PDE10A: variants seen among roughly 807,000 people sequenced by gnomAD.
PDE10A encodes the protein phosphodiesterase 10A.
In PDE10A, 39 loss-of-function variants were observed where a neutral mutation model predicts 97.7. The ratio of observed to expected loss-of-function variants is 0.40; its 90% CI spans 0.31 to 0.52. PDE10A has a LOEUF of 0.52. Ranked by LOEUF, PDE10A falls within the 20% of genes least tolerant of loss-of-function variation. PDE10A has a pLI of 0.56. For synonymous variants in PDE10A, 371 were observed against 376.8 expected, an observed-to-expected ratio of 0.98 and a Z score of 0.18; for missense variants, 731 against 1,047.8, an observed-to-expected ratio of 0.70 and a Z score of 4.17.
intron 1 of PDE10A, among the ~76,000 whole-genome samples, chr6:165,548,083 A>G (rs964614544): frequency 3.9e-5 from 6 of 151,940 alleles, no homozygotes; most frequent in East Asian, 1.9e-4. Flanking sequence ...TTCATAGCCA[A>G]TATTTTCCAT....
Position 165,711,765 on chromosome 6 carries a change from G to A in PDE10A, c.-614-168197C>T, listed in dbSNP as rs1791901213. ...CTGTGCTAATTCACTCGTCAGACCA[G>A]CGAACCTCAAATGCATTTTTGTGGC... On this transcript the variant is annotated intron_variant, in intron 1 of 19. Transcript: ENST00000366882. This position sits in a 1 kb window ranked among gnomAD's most constrained non-coding sequence, Gnocchi z 4.5. Among the ~76,000 whole-genome samples, 2 of 152,196 alleles carry A rather than the reference G, an allele frequency of 1.3e-5. No individual in the cohort carries two copies. The highest frequency in any genetic ancestry group is 4.1e-4 in the South Asian group (2 of 4,826).
chr6:165,455,188 G>A (rs1422431998), intron 3 of PDE10A, among the ~76,000 whole-genome samples: 4 of 152,052 alleles, frequency 2.6e-5, no homozygotes, highest in African/African-American at 9.7e-5. Context: ...CTGTTGCCCA[G>A]GCTGGAATGC....
At chr6:165,636,278 T>A (rs757733768) in intron 1 of PDE10A, among the ~76,000 whole-genome samples, 3 of 152,124 alleles carry the variant, frequency 2.0e-5, no homozygotes, top group Non-Finnish European at 4.4e-5. Flanking sequence ...TCACTGGCTA[T>A]GTGAAAAGGA....
At chr6:165,538,838 C>G (rs979999067) in intron 2 of PDE10A, among the ~76,000 whole-genome samples, 1 of 152,078 alleles carries the variant, frequency 6.6e-6, no homozygotes, top group Non-Finnish European at 1.5e-5. Context: ...ATACTTTGTA[C>G]AAATACAGAC....
In PDE10A at chr6:165,799,077, C is replaced by G. The variant is rs564758566; in HGVS notation, c.-615+188452G>C. 2.0e-5 allele frequency among the ~76,000 whole-genome samples: 3 copies of G among 152,300 alleles called. No homozygotes were observed. The East Asian group carries it at 5.8e-4, about 29-fold the overall frequency. ...TATTAATGATAAAAATTGAAGACAA[C>G]AGGCTCCATGGAAACATCAGCCACT... On this transcript the variant is annotated intron_variant, in intron 1 of 19. Transcript: ENST00000366882.
At chr6:165,572,835 TCAAA>T (rs756159828) in intron 1 of PDE10A, among the ~76,000 whole-genome samples, 17 of 152,168 alleles carry the variant, frequency 1.1e-4, no homozygotes, top group Non-Finnish European at 1.8e-4. Context: ...AGACCCTGTC[TCAAA>T]CAAACAAACC....
At chr6:165,404,208 G>C (rs1350565375) in intron 13 of PDE10A, among the ~76,000 whole-genome samples, 1 of 152,032 alleles carries the variant, frequency 6.6e-6, no homozygotes, top group African/African-American at 2.4e-5. Flanking sequence ...TCAATAAAAA[G>C]GAAATGCTGT....
At chr6:165,664,385 T>C (rs1790442464), upstream of PDE10A, among the ~76,000 whole-genome samples, 1 of 152,170 alleles carries the variant, frequency 6.6e-6, no homozygotes, top group South Asian at 2.1e-4. Context: ...CACTTTTGTA[T>C]TTGCACCAAG....
At chr6:165,940,443 G>A (rs182141006) in intron 1 of PDE10A, 42 of 152,394 alleles carry the variant, frequency 2.8e-4, no homozygotes, top group Admixed American at 2.5e-3. Context: ...ATATTAGAAG[G>A]TGGAACCGCC....
At chr6:165,568,390 C>G (rs1002987947) in intron 1 of PDE10A, among the ~76,000 whole-genome samples, 2 of 152,108 alleles carry the variant, frequency 1.3e-5, no homozygotes, top group African/African-American at 4.8e-5. Context: ...CAGTCAACCA[C>G]AGTCAAAAAT....
chr6:165,475,669 T>C (rs899036342), intron 3 of PDE10A, among the ~76,000 whole-genome samples: 2 of 151,658 alleles, frequency 1.3e-5, no homozygotes, highest in Admixed American at 6.8e-5. Flanking sequence ...TGTGAGTTCA[T>C]GCTCATGTCT....
chr6:165,816,348 T>G (rs1779411044), intron 1 of PDE10A, among the ~76,000 whole-genome samples: 2 of 152,238 alleles, frequency 1.3e-5, no homozygotes, highest in Non-Finnish European at 2.9e-5. Context: ...GATTGATCAT[T>G]CACTACATCC....
At chr6:165,361,219 T>C (rs1335468456) in intron 18 of PDE10A, among the ~76,000 whole-genome samples, 1 of 152,136 alleles carries the variant, frequency 6.6e-6, no homozygotes, top group African/African-American at 2.4e-5. Context: ...AAAAGACATG[T>C]ACAGAGCACT....
chr6:165,949,414 C>T (rs1254615504), intron 1 of PDE10A: 1 of 152,320 alleles, frequency 6.6e-6, no homozygotes, highest in African/African-American at 2.4e-5. Context: ...CACACTGGTG[C>T]AACACGTCGG....
chr6:165,458,723 T>C (rs560590372), intron 3 of PDE10A, among the ~76,000 whole-genome samples: 8 of 152,228 alleles, frequency 5.3e-5, no homozygotes, highest in South Asian at 2.1e-4. Context: ...TGTTTTAATA[T>C]TTTAAGAGCA....
intron 2 of PDE10A, among the ~76,000 whole-genome samples, chr6:165,524,281 G>A (rs989894555): frequency 2.0e-5 from 3 of 152,154 alleles, no homozygotes; most frequent in Non-Finnish European, 2.9e-5. Flanking sequence ...TGGTTCCAGA[G>A]GAACAGAATA....
At chr6:165,855,000 T>C (rs1780684281) in intron 1 of PDE10A, among the ~76,000 whole-genome samples, 1 of 79,424 alleles carries the variant, frequency 1.3e-5, no homozygotes, top group African/African-American at 3.8e-5. Flanking sequence ...AATGAATGAA[T>C]GAATGAATGA....
intron 1 of PDE10A, among the ~76,000 whole-genome samples, chr6:165,883,546 A>T (rs910147315): frequency 1.1e-4 from 7 of 65,156 alleles, no homozygotes; most frequent in African/African-American, 3.8e-4. Context: ...TCTCAAAAAA[A>T]AAAAAAATAA....
intron 1 of PDE10A, among the ~76,000 whole-genome samples, chr6:165,895,867 T>A (rs1193330613): frequency 6.6e-6 from 1 of 152,118 alleles, no homozygotes. Flanking sequence ...AGAGCCATCC[T>A]CCCCTGGTCC....
Sources: gnomAD v4.1 joint callset for allele counts (sites outside exome capture counted in the v4.1 genomes callset) on GRCh38, gnomAD v4.1.1 for gene constraint, Gnocchi (gnomAD v3.1) non-coding constraint, MANE v1.5 for transcripts, NCBI Gene and HGNC (gene_info 2026-07-23, HGNC 2026-07-21) for gene names.